The following VPS53 variants were observed in gnomAD, a reference collection of about 807,000 sequenced individuals.
The protein encoded by VPS53 is VPS53 subunit of GARP complex.
In VPS53, 70 loss-of-function variants were observed where a neutral mutation model predicts 107.0. The ratio of observed to expected loss-of-function variants is 0.65; its 90% CI spans 0.54 to 0.80. The LOEUF (loss-of-function observed/expected upper bound fraction) is 0.80. VPS53 is among the 30% of genes least tolerant of loss of function. The pLI is 0.00. For synonymous variants in VPS53, 409 were observed against 393.3 expected (o/e 1.04, Z -0.47); for missense variants, 917 against 1,049.4 (o/e 0.87, Z 1.74).
chr17:541,711 A>G (rs1910685591), intron 17 of VPS53, among the ~76,000 whole-genome samples: 1 of 146,370 alleles, frequency 6.8e-6, no homozygotes, highest in African/African-American at 2.6e-5. Context: ...CAGGGGCTGA[A>G]GGAATGTTTA....
At chr17:645,195 A>G (rs924356140) in intron 7 of VPS53, among the ~76,000 whole-genome samples, 1 of 152,266 alleles carries the variant, frequency 6.6e-6, no homozygotes, top group Non-Finnish European at 1.5e-5. Flanking sequence ...GTGGGACTAC[A>G]TCAACCTAAA....
intron 4 of VPS53, among the ~76,000 whole-genome samples, chr17:669,376 G>A (rs937864394): frequency 6.6e-6 from 1 of 151,950 alleles, no homozygotes; most frequent in African/African-American, 2.4e-5. Flanking sequence ...GATTACTTGA[G>A]GCCAGGAGTT....
Position 710,564 on chromosome 17 carries a change from T to C in VPS53, c.137A>G (p.Glu46Gly). The change falls in exon 2 of 22, where the codon GAG becomes GGG. Residue 46 changes from glutamate (E) to glycine (G), a missense_variant. By Grantham distance (98) the Glu-to-Gly change is moderately conservative. Transcript: ENST00000437048. ...PLDRADFNAV[E>G]YINTLFPTEQ... is the part of the protein sequence containing the mutation. ...GGTTGGGAACAGGGTATTGATATAC[T>C]CAACAGCATTGAAATCTGCTCGATC... 6.2e-7 allele frequency: 1 copy of C among 1,614,068 alleles called. No homozygotes were observed. The highest frequency in any genetic ancestry group is 8.5e-7 in the Non-Finnish European group (1 of 1,179,998).
intron 5 of VPS53, chr17:657,525 T>C: frequency 6.8e-7 from 1 of 1,464,698 alleles, no homozygotes; most frequent in South Asian, 1.1e-5. Flanking sequence ...CCGCTTCAGA[T>C]GCTTCTTGGC....
intron 19 of VPS53, among the ~76,000 whole-genome samples, chr17:528,164 A>G (rs1034217099): frequency 2.0e-5 from 3 of 152,222 alleles, no homozygotes; most frequent in African/African-American, 4.8e-5. Context: ...TTTAAGGTCT[A>G]TTCACAAGGT....
At chr17:641,122 C>G (rs1223790157) in intron 7 of VPS53, among the ~76,000 whole-genome samples, 1 of 152,206 alleles carries the variant, frequency 6.6e-6, no homozygotes, top group Non-Finnish European at 1.5e-5. Context: ...TCCCAAAGTG[C>G]TGGGATTACA....
intron 7 of VPS53, among the ~76,000 whole-genome samples, chr17:633,203 C>T (rs191194572): frequency 1.8e-4 from 27 of 152,324 alleles, no homozygotes; most frequent in African/African-American, 6.5e-4. Flanking sequence ...CCCGCAATCA[C>T]GTCCCGCAAT....
chr17:633,239 T>C (rs1970036746), intron 7 of VPS53, among the ~76,000 whole-genome samples: 1 of 152,292 alleles, frequency 6.6e-6, no homozygotes, highest in African/African-American at 2.4e-5. Context: ...ATCGATCGCA[T>C]GCTGTGCATC....
chr17:651,604 CTA>C (rs1408858392), intron 7 of VPS53, among the ~76,000 whole-genome samples: 3 of 152,120 alleles, frequency 2.0e-5, no homozygotes, highest in African/African-American at 7.2e-5. Context: ...TTTTTAAAGT[CTA>C]TGTGTATTAC....
At chr17:550,945 C>T (rs192091670) in intron 17 of VPS53, among the ~76,000 whole-genome samples, 3 of 152,272 alleles carry the variant, frequency 2.0e-5, no homozygotes, top group Admixed American at 2.0e-4. Flanking sequence ...GGAAAAACCT[C>T]TCAGTGGGCA....
rs760849023 is a variant in VPS53, at chr17:569,244, G to A, written c.1314-6499C>T. Among the ~76,000 whole-genome samples, 11 of 152,162 alleles carry A rather than the reference G, an allele frequency of 7.2e-5. No homozygotes were observed. The East Asian group carries it at 1.2e-3, about 16-fold the overall frequency. On this transcript the variant is annotated intron_variant, in intron 13 of 21. Coordinates refer to ENST00000437048, the MANE Select transcript of VPS53 (RefSeq NM_001128159.3). ...ACAATTTGAGTACTAAAATAACAAC[G>A]ACAAATCCTGGAAGGAAAAACAGAC...
chr17:713,779 C>T (rs894050621), intron 1 of VPS53, among the ~76,000 whole-genome samples: 5 of 152,048 alleles, frequency 3.3e-5, no homozygotes, highest in African/African-American at 7.2e-5. Flanking sequence ...GTGGCTCACG[C>T]CTGTAATCCC....
chr17:655,437 CTG>C (rs1265209992), intron 6 of VPS53, among the ~76,000 whole-genome samples: 7 of 151,610 alleles, frequency 4.6e-5, no homozygotes, highest in Non-Finnish European at 8.8e-5. Flanking sequence ...GAATATGGGC[CTG>C]TGTCACTCTG....
intron 7 of VPS53, among the ~76,000 whole-genome samples, chr17:636,829 C>T (rs973304322): frequency 6.6e-6 from 1 of 152,180 alleles, no homozygotes; most frequent in African/African-American, 2.4e-5. Context: ...CAGTATTTTA[C>T]TGAGGATTTT....
At chr17:610,127 TCACACACACACA>T (rs200106767) in intron 11 of VPS53, among the ~76,000 whole-genome samples, 27,044 of 134,430 alleles carry the variant, frequency 0.2, 2,895 homozygotes, top group Admixed American at 0.26. Flanking sequence ...TGAGACTCCG[TCACACACACACA>T]CACACACACA....
At chr17:618,895 G>A (rs1209679594) in intron 11 of VPS53, among the ~76,000 whole-genome samples, 1 of 118,034 alleles carries the variant, frequency 8.5e-6, no homozygotes, top group Non-Finnish European at 1.7e-5. Flanking sequence ...CGCCCACCAC[G>A]CCTGCTAATA....
Position 514,437 on chromosome 17 carries a change from G to A in VPS53, c.*4691C>T, listed in dbSNP as rs545553714. ...CCATTTCCAGCAGGTTATTCTGAGT[G>A]CTCTTCCTAGCCAAGGAATCCCATT... On this transcript the variant is annotated 3_prime_UTR_variant, in exon 22 of 22. Transcript: ENST00000437048. 8.1e-6 allele frequency: 1 copy of A among 123,486 alleles called. No homozygotes were observed. The highest frequency in any genetic ancestry group is 3.6e-5 in the African/African-American group (1 of 28,130). The allele number at this position is 123,486 out of a possible 1,614,324, so 7.6% of individuals were successfully genotyped here.
At chr17:533,843 C>CTT (rs11286082) in intron 18 of VPS53, among the ~76,000 whole-genome samples, 5 of 147,348 alleles carry the variant, frequency 3.4e-5, no homozygotes, top group South Asian at 2.2e-4. Context: ...AAATCATAAA[C>CTT]TTTTTTTTTT....
chr17:645,083 G>A (rs1970632449), intron 7 of VPS53, among the ~76,000 whole-genome samples: 1 of 152,182 alleles, frequency 6.6e-6, no homozygotes, highest in Admixed American at 6.5e-5. Flanking sequence ...TTATAACAGT[G>A]ATTATTAAGT....
Sources: allele counts gnomAD v4.1 joint callset (sites outside exome capture counted in the v4.1 genomes callset), GRCh38; gene constraint gnomAD v4.1.1; transcripts MANE v1.5; gene names NCBI Gene and HGNC (gene_info 2026-07-23, HGNC 2026-07-21).